TCF12: variants seen among roughly 807,000 people sequenced by gnomAD.
The protein encoded by TCF12 is transcription factor 12, also known as DNA-binding protein HTF4.
TCF12 carries 45 observed loss-of-function variants against 86.0 expected under a neutral mutation model. The observed-to-expected ratio is 0.52, with a 90% CI of 0.41 to 0.67. TCF12 has a LOEUF of 0.67. Among genes scored for constraint, TCF12 ranks in the 30% least tolerant of loss-of-function variants. The pLI is 0.00. For synonymous variants in TCF12, 330 were observed against 299.6 expected (o/e 1.10, Z -1.05); for missense variants, 881 against 859.9 (o/e 1.02, Z -0.31).
At chr15:57,033,844 A>G (rs1266164209) in intron 3 of TCF12, among the ~76,000 whole-genome samples, 2 of 152,194 alleles carry the variant, frequency 1.3e-5, no homozygotes, top group East Asian at 1.9e-4. Flanking sequence ...ACACCAGAGT[A>G]GCTATTACAA....
intron 4 of TCF12, among the ~76,000 whole-genome samples, chr15:57,079,626 A>G (rs956451580): frequency 4.6e-5 from 7 of 152,182 alleles, no homozygotes; most frequent in Admixed American, 2.0e-4. Context: ...CAATTCTAGT[A>G]GATGTTTCTC....
chr15:56,939,472 A>G (rs1322864958), intron 3 of TCF12, among the ~76,000 whole-genome samples: 1 of 152,146 alleles, frequency 6.6e-6, no homozygotes, highest in Non-Finnish European at 1.5e-5. Flanking sequence ...TCTGTTGGGA[A>G]ATTCTGAGGT....
intron 5 of TCF12, among the ~76,000 whole-genome samples, chr15:57,093,083 C>A (rs1474275635): frequency 1.3e-5 from 2 of 152,116 alleles, no homozygotes; most frequent in African/African-American, 4.8e-5. Context: ...AAAACTGACA[C>A]AAGCAATAAA....
intron 6 of TCF12, among the ~76,000 whole-genome samples, chr15:57,185,877 G>A (rs964483125): frequency 4.6e-5 from 7 of 152,104 alleles, no homozygotes; most frequent in Non-Finnish European, 7.4e-5. Context: ...GCAAACTCCT[G>A]TGTCAAAAAG....
intron 16 of TCF12, among the ~76,000 whole-genome samples, chr15:57,259,855 C>T (rs1349155792): frequency 2.0e-5 from 3 of 151,996 alleles, no homozygotes; most frequent in East Asian, 1.9e-4. Context: ...TGTGGAGCTG[C>T]GGATTAAAGG....
At chr15:57,285,627 A>G (rs1473700350) in intron 20 of TCF12, among the ~76,000 whole-genome samples, 1 of 152,220 alleles carries the variant, frequency 6.6e-6, no homozygotes, top group East Asian at 1.9e-4. Context: ...CCATTGTCTC[A>G]CTACTGAGGA....
chr15:57,252,343 A>C lies in TCF12; in HGVS notation c.1189-78A>C, dbSNP rs570618139. The C allele has an allele frequency of 3.2e-5, 32 of 1,015,606 alleles. No homozygotes were observed. The East Asian group carries it at 6.9e-4, about 22-fold the overall frequency. The allele number at this position is 1,015,606 out of a possible 1,614,324, so 62.9% of individuals were successfully genotyped here. A position where few individuals can be genotyped will look rare whatever the true frequency, so the allele number is the denominator to read the frequency against. Reference sequence around the variant, plus strand: ...TTACTAACATGTTATGCTGACATGCATATCAGCTATTTCCTCATCTCTTTT... The same window carrying C: ...TTACTAACATGTTATGCTGACATGCCTATCAGCTATTTCCTCATCTCTTTT... On this transcript the variant is annotated intron_variant, in intron 14 of 20. Transcript: ENST00000333725.
chr15:57,024,637 C>T (rs1158087636), intron 3 of TCF12, among the ~76,000 whole-genome samples: 1 of 152,220 alleles, frequency 6.6e-6, no homozygotes, highest in Non-Finnish European at 1.5e-5. Flanking sequence ...GGCTTTAGAG[C>T]TGCTGCCAAA....
intron 3 of TCF12, among the ~76,000 whole-genome samples, chr15:56,922,339 G>GT (rs1170027138): frequency 2.0e-5 from 3 of 151,892 alleles, no homozygotes; most frequent in Non-Finnish European, 4.4e-5. Flanking sequence ...TTAAGTTATG[G>GT]TAAATATATA....
chr15:57,254,079 A>AT (rs2060238141), intron 16 of TCF12, among the ~76,000 whole-genome samples: 2 of 152,264 alleles, frequency 1.3e-5, no homozygotes, highest in South Asian at 4.1e-4. Flanking sequence ...ATCTTACATT[A>AT]TTTTTTATCC....
intron 5 of TCF12, among the ~76,000 whole-genome samples, chr15:57,159,877 T>C (rs541989995): frequency 6.6e-6 from 1 of 152,358 alleles, no homozygotes; most frequent in East Asian, 1.9e-4. Flanking sequence ...GCAACAATTG[T>C]TTCTTGAATA....
At chr15:57,253,190 A>G in intron 15 of TCF12, 72 bp from the exon 16 acceptor site, 1 of 1,523,850 alleles carries the variant, frequency 6.6e-7, no homozygotes, top group Non-Finnish European at 9.1e-7. Flanking sequence ...ATCACATAGT[A>G]GGAAACGTAG....
chr15:57,215,332 G>C (rs1460302372), intron 8 of TCF12, among the ~76,000 whole-genome samples: 2 of 152,114 alleles, frequency 1.3e-5, no homozygotes, highest in African/African-American at 4.8e-5. Context: ...CTTTGAATTT[G>C]TTCAGTTGCA....
At chr15:57,190,599 C>A (rs1203373103) in intron 6 of TCF12, among the ~76,000 whole-genome samples, 5 of 152,160 alleles carry the variant, frequency 3.3e-5, no homozygotes, top group African/African-American at 1.2e-4. Context: ...TTTCAAGTCT[C>A]TGTGATCCTA....
At chr15:57,008,916 G>A (rs1222027255) in intron 3 of TCF12, among the ~76,000 whole-genome samples, 1 of 152,094 alleles carries the variant, frequency 6.6e-6, no homozygotes, top group East Asian at 1.9e-4. Context: ...GTAACTTTGT[G>A]GAAAATTTAC....
At chr15:57,057,237 TCTCTTTTCTGGCCTTCTC>T (rs1357368348) in intron 3 of TCF12, among the ~76,000 whole-genome samples, 3 of 152,222 alleles carry the variant, frequency 2.0e-5, no homozygotes, top group African/African-American at 7.2e-5. Flanking sequence ...ATTTGGGACC[TCTCTTTTCTGGCCTTCTC>T]CCTTTTGGGA....
chr15:57,111,236 A>G (rs1200509011), intron 5 of TCF12, among the ~76,000 whole-genome samples: 2 of 152,064 alleles, frequency 1.3e-5, no homozygotes, highest in Admixed American at 6.6e-5. Context: ...GGAGTCATGG[A>G]GTGTCCAGAT....
At chr15:57,218,157 C>T (rs930662585) in intron 8 of TCF12, among the ~76,000 whole-genome samples, 10 of 151,974 alleles carry the variant, frequency 6.6e-5, no homozygotes, top group African/African-American at 2.4e-4. Context: ...ATAGTATATT[C>T]CTAGAATATT....
intron 8 of TCF12, among the ~76,000 whole-genome samples, chr15:57,206,664 T>C (rs1450991497): frequency 7.2e-6 from 1 of 138,916 alleles, no homozygotes; most frequent in Non-Finnish European, 1.5e-5. Context: ...CTCAGCTCAC[T>C]GCATCCTCCA....
Sources: allele counts gnomAD v4.1 joint callset (sites outside exome capture counted in the v4.1 genomes callset), GRCh38; gene constraint gnomAD v4.1.1; transcripts MANE v1.5; gene names NCBI Gene and HGNC (gene_info 2026-07-23, HGNC 2026-07-21).